Variants in USP24 observed in about 807,000 individuals in gnomAD.
USP24 encodes ubiquitin specific peptidase 24, also known as ubiquitin carboxyl-terminal hydrolase 24.
Under a neutral mutation model 361.6 loss-of-function variants are expected in USP24, and 97 were observed. The ratio of observed to expected loss-of-function variants is 0.27; its 90% confidence interval spans 0.23 to 0.32. The LOEUF (loss-of-function observed/expected upper bound fraction) is 0.32, where lower values mean the gene tolerates loss of function less well. USP24 is among the 10% of genes least tolerant of loss of function. The pLI, the probability that USP24 is intolerant of heterozygous loss-of-function variation, is 1.00. For missense variants in USP24, 2,353 were observed against 3,165.6 expected, an observed-to-expected ratio of 0.74 and a Z score of 6.16; for synonymous variants, 1,098 against 1,124.6, an observed-to-expected ratio of 0.98 and a Z score of 0.47.
rs867007388 is a variant in USP24, at chr1:55,126,248, G to A, written c.3636-490C>T. Among the ~76,000 whole-genome samples the A allele has an allele frequency of 4.6e-5, 7 of 152,352 alleles. No individual in the cohort carries two copies. The Middle Eastern group carries it at 0.01, about 222-fold the overall frequency. ...CCTCCTGTGGCCTCTGCCGGCACCAGGCAGGTCCCCACGCATGGGTGTGCG... is the reference window on the plus strand; with the variant it reads ...CCTCCTGTGGCCTCTGCCGGCACCAAGCAGGTCCCCACGCATGGGTGTGCG... On this transcript the variant is annotated intron_variant, in intron 32 of 67. Coordinates refer to ENST00000294383, the MANE Select transcript of USP24 (RefSeq NM_015306.3).
At chr1:55,112,436 T>C (rs4262586) in intron 38 of USP24, among the ~76,000 whole-genome samples, 6,129 of 152,276 alleles carry the variant, frequency 0.04, 394 homozygotes, top group African/African-American at 0.14. Flanking sequence ...CCTCTAAACA[T>C]TGCTTTAGCT....
chr1:55,204,395 A>C (rs753921306), intron 1 of USP24, among the ~76,000 whole-genome samples: 8 of 152,208 alleles, frequency 5.3e-5, no homozygotes, highest in Non-Finnish European at 1.0e-4. Flanking sequence ...AGTTGAGAGA[A>C]TCATCAATCT....
rs935981407 is a variant in USP24, at chr1:55,099,758, C to A, written c.5370+13G>T. ...GTTTGAGGGAGTTAGAGGGAAAGTACAACTTTTACTACCTTGAGGTATTCA... is the reference window on the plus strand; with the variant it reads ...GTTTGAGGGAGTTAGAGGGAAAGTAAAACTTTTACTACCTTGAGGTATTCA... On this transcript the variant is annotated intron_variant, in intron 45 of 67. Transcript: ENST00000294383. 6 of 1,540,074 alleles carry A rather than the reference C, an allele frequency of 3.9e-6. No individual in the cohort carries two copies. In the African/African-American group the frequency reaches 8.2e-5, roughly 21 times the overall value.
intron 1 of USP24, among the ~76,000 whole-genome samples, chr1:55,197,237 A>AC (rs143239510): frequency 6.6e-6 from 1 of 151,954 alleles, no homozygotes; most frequent in South Asian, 2.1e-4. Flanking sequence ...CCCTTATCAT[A>AC]CCCCCTACCC....
At chr1:55,161,130 T>C (rs1648231189) in intron 8 of USP24, among the ~76,000 whole-genome samples, 1 of 151,958 alleles carries the variant, frequency 6.6e-6, no homozygotes, top group African/African-American at 2.4e-5. Flanking sequence ...TCCCAGCACT[T>C]TGGGAGGCCG....
At chr1:55,131,794 T>C (rs1646599647) in intron 31 of USP24, among the ~76,000 whole-genome samples, 1 of 152,224 alleles carries the variant, frequency 6.6e-6, no homozygotes, top group Non-Finnish European at 1.5e-5. Context: ...TAAGACTGCT[T>C]AGGCACTGAT....
rs1038604390 is a variant in USP24, at chr1:55,119,283, A to G, written c.4508+1313T>C. Among the ~76,000 whole-genome samples, 13 of 152,358 alleles carry G rather than the reference A, an allele frequency of 8.5e-5. 2 individuals carry two copies. In the South Asian group the frequency reaches 1.9e-3, roughly 22 times the overall value. On this transcript the variant is annotated intron_variant, in intron 38 of 67. Transcript: ENST00000294383. ...TCATGCTACAACATGAATAAACCTT[A>G]AGGACATTATGCTAAGTGAAATAAG...
At chr1:55,091,217 ACAG>A (rs972576422) in intron 54 of USP24, among the ~76,000 whole-genome samples, 4 of 151,402 alleles carry the variant, frequency 2.6e-5, no homozygotes, top group African/African-American at 9.7e-5. Flanking sequence ...ACAGGGCCGC[ACAG>A]CAGGAGGTAA....
intron 42 of USP24, among the ~76,000 whole-genome samples, chr1:55,102,663 T>A (rs540290298): frequency 6.6e-6 from 1 of 152,190 alleles, no homozygotes; most frequent in South Asian, 2.1e-4. Flanking sequence ...AACACCGAAA[T>A]TTATTTGTAG....
chr1:55,116,569 T>C (rs894740634), intron 38 of USP24, among the ~76,000 whole-genome samples: 5 of 150,624 alleles, frequency 3.3e-5, no homozygotes, highest in African/African-American at 9.8e-5. Flanking sequence ...CTAGATGAAG[T>C]AGACAAATTC....
chr1:55,142,633 A>G lies in USP24; in HGVS notation c.2634+109T>C, dbSNP rs183828918. 3.1e-4 allele frequency: 248 copies of G among 809,220 alleles called. 4 individuals are homozygous for G. In the East Asian group the frequency reaches 6.5e-3, roughly 21 times the overall value. 50.1% of individuals were successfully genotyped at this position (809,220 alleles called of 1,614,324 possible). A position where few individuals can be genotyped will look rare whatever the true frequency, so the allele number is the denominator to read the frequency against. ...TATGGTACTGTTGATAAATTCTTCA[A>G]TAGGATCCAGCCACAAACATCAACA... On this transcript the variant is annotated intron_variant, in intron 23 of 67. Transcript: ENST00000294383.
intron 20 of USP24, 145 bp from the exon 21 acceptor site, chr1:55,144,348 A>C (rs907373132): frequency 2.7e-5 from 13 of 481,062 alleles, no homozygotes; most frequent in Non-Finnish European, 1.8e-5. Flanking sequence ...AAGCAACAAA[A>C]GAAAATATTA....
At position 55,075,479 on chromosome 1, in the gene USP24, A is replaced by C. The variant is rs537600647; in HGVS notation, c.7425T>G (p.Phe2475Leu). Residue 2475 changes from phenylalanine (F) to leucine (L), a missense_variant, in exon 63 of 68, where the codon TTT becomes TTG. Phe to Leu is a conservative substitution (Grantham distance 22). Around this residue, in one of 8 missense-constraint regions of USP24, gnomAD observed 598 missense variants for 761.9 expected, o/e 0.78. Coordinates refer to ENST00000294383, the MANE Select transcript of USP24 (RefSeq NM_015306.3). ...TGCCTAGTAATCCATTTTCTGTCTC[A>C]AACACAAATTTGACTCGCTCTACTT... Reference protein sequence around the residue: ...PIQVERVKFVFETENGLLALM... With the variant: ...PIQVERVKFVLETENGLLALM... 1.9e-6 allele frequency: 3 copies of C among 1,604,632 alleles called. No homozygotes were observed. The highest frequency in any genetic ancestry group is 2.7e-5 in the African/African-American group (2 of 74,930).
intron 1 of USP24, among the ~76,000 whole-genome samples, chr1:55,189,181 T>C (rs139722476): frequency 2.5e-4 from 38 of 152,216 alleles, no homozygotes; most frequent in African/African-American, 8.7e-4. Flanking sequence ...GAAACATATG[T>C]CCACATAAAA....
intron 38 of USP24, among the ~76,000 whole-genome samples, chr1:55,115,503 A>AAAAAAAAAG (rs1646086787): frequency 2.7e-5 from 4 of 148,836 alleles, no homozygotes; most frequent in Non-Finnish European, 6.0e-5. Context: ...CTCAAAAAAA[A>AAAAAAAAAG]AAAAAAAAAA....
At chr1:55,203,209 A>G (rs959991297) in intron 1 of USP24, among the ~76,000 whole-genome samples, 2 of 152,330 alleles carry the variant, frequency 1.3e-5, no homozygotes, top group Non-Finnish European at 2.9e-5. Flanking sequence ...ATATCTAACA[A>G]AGGAAATGTG....
At chr1:55,195,921 T>G (rs1644405958) in intron 1 of USP24, among the ~76,000 whole-genome samples, 1 of 152,104 alleles carries the variant, frequency 6.6e-6, no homozygotes, top group African/African-American at 2.4e-5. Flanking sequence ...TAAAAAAGAT[T>G]AAGTTGATAA....
At chr1:55,101,524 A>C in intron 43 of USP24, 60 bp downstream of exon 43, 1 of 1,546,280 alleles carries the variant, frequency 6.5e-7, no homozygotes, top group Admixed American at 2.0e-5. Context: ...ACTATGAAAC[A>C]ATTTTCAAGT....
At chr1:55,114,632 A>C (rs1646050842) in intron 38 of USP24, among the ~76,000 whole-genome samples, 1 of 152,214 alleles carries the variant, frequency 6.6e-6, no homozygotes, top group Non-Finnish European at 1.5e-5. Flanking sequence ...TGACAAAAAC[A>C]AGCAATGGGG....
Sources: gnomAD v4.1 joint callset for allele counts (sites outside exome capture counted in the v4.1 genomes callset) on GRCh38, gnomAD v4.1.1 for gene constraint, gnomAD v4.1.1 regional missense constraint, MANE v1.5 for transcripts, NCBI Gene and HGNC (gene_info 2026-07-23, HGNC 2026-07-21) for gene names.